The following LYL1 variants were observed in gnomAD, a reference collection of about 807,000 sequenced individuals.
LYL1 encodes the protein protein lyl-1.
LYL1 carries 4 observed loss-of-function variants against 11.1 expected under a neutral mutation model. That is an observed-to-expected ratio of 0.36 (90% CI 0.18 to 0.82). The LOEUF is 0.82. Ranked by LOEUF, LYL1 falls within the 40% of genes least tolerant of loss-of-function variation. The pLI, the probability that LYL1 is intolerant of heterozygous loss-of-function variation, is 0.49. For missense variants in LYL1, 356 were observed against 397.6 expected (o/e 0.90, Z 0.89); for synonymous variants, 179 against 174.8 (o/e 1.02, Z -0.19).
Position 13,101,039 on chromosome 19 carries a change from C to T in LYL1, c.133G>A (p.Val45Met), listed in dbSNP as rs1390656517. The T allele has an allele frequency of 2.0e-6, 3 of 1,481,912 alleles. No homozygotes were observed. The highest frequency in any genetic ancestry group is 2.8e-5 in the African/African-American group (2 of 70,912). 91.8% of individuals were successfully genotyped at this position (1,481,912 alleles called of 1,614,324 possible). ...GGCGAGGAGCCTCCTCGGTGGCCCA[C>T]CTCCTCCACCTGCGGGGGCCCAGGC... ...ASPGPPQVEEVGHRGGSSPPR... is the reference protein window; with the variant it reads ...ASPGPPQVEEMGHRGGSSPPR... The change falls in exon 2 of 4, where the codon GTG (valine) becomes ATG (methionine). Residue 45 changes from valine to methionine, a missense_variant. Coordinates refer to ENST00000264824, the MANE Select transcript of LYL1 (RefSeq NM_005583.5). The surrounding 1 kb of genome is among the most constrained non-coding windows in gnomAD (Gnocchi z 5.1).
In LYL1 at chr19:13,100,644, A is replaced by G. The variant is rs758293848; in HGVS notation, c.427+13T>C. ...GGCATACAAACCCACAAGGCACACA[A>G]ACCCACACTCACCCTCAGCCAGGTC... is the stretch of plus-strand genomic sequence containing the variant. On this transcript the variant is annotated intron_variant, in intron 3 of 3. Transcript: ENST00000264824. 2 of 1,613,932 alleles carry G rather than the reference A, an allele frequency of 1.2e-6. No homozygotes were observed. The highest frequency in any genetic ancestry group is 2.2e-5 in the South Asian group (2 of 91,074).
Position 13,099,107 on chromosome 19 carries a change from G to C in LYL1, c.*212C>G, listed in dbSNP as rs2018632181. ...GGGACCGGGCAAGGCCACTTCCAGA[G>C]GGTTGTGGGTGATTTTTTTAAGGGT... On this transcript the variant is annotated 3_prime_UTR_variant, in exon 4 of 4. Transcript: ENST00000264824. This position sits in a 1 kb window ranked among gnomAD's most constrained non-coding sequence, Gnocchi z 5.3. 2.4e-6 allele frequency: 1 copy of C among 411,288 alleles called. No individual in the cohort carries two copies. The highest frequency in any genetic ancestry group is 4.1e-6 in the Non-Finnish European group (1 of 242,392). 25.5% of individuals were successfully genotyped at this position (411,288 alleles called of 1,614,324 possible).
intron 3 of LYL1, 67 bp downstream of exon 3, chr19:13,100,590 C>A (rs778281539): frequency 2.8e-6 from 4 of 1,435,520 alleles, no homozygotes; most frequent in Admixed American, 3.3e-5. Context: ...GACGGCCAGG[C>A]CTTCTGTGCA....
At position 13,101,492 on chromosome 19, in the gene LYL1, T is replaced by G; in HGVS notation, c.-24-297A>C. 1 of 325,266 alleles carries G rather than the reference T, an allele frequency of 3.1e-6. No individual in the cohort carries two copies. Among genetic ancestry groups the G allele is most frequent in the Non-Finnish European group, 5.6e-6 (1 of 178,646 alleles). 20.1% of individuals were successfully genotyped at this position (325,266 alleles called of 1,614,324 possible). A position where few individuals can be genotyped will look rare whatever the true frequency, so the allele number is the denominator to read the frequency against. ...CAGCCTCTGAGCAAATATTCCTTCT[T>G]CCAGAATTCCCTCACCTCTGCAGCC... On this transcript the variant is annotated intron_variant, in intron 1 of 3. Transcript: ENST00000264824. The surrounding 1 kb of genome is among the most constrained non-coding windows in gnomAD (Gnocchi z 5.1).
Position 13,101,050 on chromosome 19 carries a change from T to C in LYL1, c.122A>G (p.Gln41Arg). Residue 41 changes from glutamine to arginine, a missense_variant, in exon 2 of 4, where the codon CAG becomes CGG. Gln to Arg is a conservative substitution (Grantham distance 43). Coordinates refer to ENST00000264824, the MANE Select transcript of LYL1 (RefSeq NM_005583.5). The surrounding 1 kb of genome is among the most constrained non-coding windows in gnomAD (Gnocchi z 5.1). ...PPKPASPGPPQVEEVGHRGGS... is the reference protein window; with the variant it reads ...PPKPASPGPPRVEEVGHRGGS... ...TCCTCGGTGGCCCACCTCCTCCACC[T>C]GCGGGGGCCCAGGCGAGGCAGGCTT... is the stretch of plus-strand genomic sequence containing the variant. 1 of 1,483,846 alleles carries C rather than the reference T, an allele frequency of 6.7e-7. No individual in the cohort carries two copies. The highest frequency in any genetic ancestry group is 8.9e-7 in the Non-Finnish European group (1 of 1,118,338). The allele number at this position is 1,483,846 out of a possible 1,614,324, so 91.9% of individuals were successfully genotyped here.
rs1469346959 is a variant in LYL1 at position 13,100,693 on chromosome 19, G to C, written c.391C>G (p.Arg131Gly). Residue 131 changes from arginine (R) to glycine (G), a missense_variant, in exon 3 of 4, where the codon CGG (arginine) becomes GGG (glycine). Coordinates refer to ENST00000264824, the MANE Select transcript of LYL1 (RefSeq NM_005583.5). ...FSIFPSSRLKRRPSHCELDLA... is the reference protein window; with the variant it reads ...FSIFPSSRLKGRPSHCELDLA... The stretch of plus-strand genomic sequence containing the variant: ...TCCAGCTCACAGTGGCTTGGTCTCC[G>C]CTTCAACCGGCTGCTAGGGAAGATG... 2 of 1,614,088 alleles carry C rather than the reference G, an allele frequency of 1.2e-6. No individual in the cohort carries two copies. The highest frequency in any genetic ancestry group is 2.7e-5 in the African/African-American group (2 of 74,942).
Position 13,101,106 on chromosome 19 carries a change from A to G in LYL1, c.66T>C (p.Cys22=), listed in dbSNP as rs762975049. The G allele has an allele frequency of 1.3e-5, 19 of 1,489,992 alleles. No homozygotes were observed. In the Admixed American group the frequency reaches 2.0e-4, roughly 16 times the overall value. The allele number at this position is 1,489,992 out of a possible 1,614,324, so 92.3% of individuals were successfully genotyped here. Residue 22 remains cysteine, a synonymous_variant, in exon 2 of 4, where the codon TGT becomes TGC. Transcript: ENST00000264824. This position sits in a 1 kb window ranked among gnomAD's most constrained non-coding sequence, Gnocchi z 5.1. ...GTGGGGCAGGCGCTGGGCTGGGGGC[A>G]CACACCATCTCTGCCTTCTCAGTCA... ...PTMTEKAEMV[C]APSPAPAPPP... is the part of the protein sequence containing the mutation.
rs750620774 is a variant in LYL1, at chr19:13,099,280, C to T, written c.*39G>A. ...TTTCCTTGACGGCCCTGGGCCGAGT[C>T]CCTGGTGCCCTCCGGCTCAGAGGTG... On this transcript the variant is annotated 3_prime_UTR_variant, in exon 4 of 4. Coordinates refer to ENST00000264824, the MANE Select transcript of LYL1 (RefSeq NM_005583.5). This position sits in a 1 kb window ranked among gnomAD's most constrained non-coding sequence, Gnocchi z 5.3. 2.7e-5 allele frequency: 34 copies of T among 1,245,414 alleles called. No homozygotes were observed. The highest frequency in any genetic ancestry group is 3.4e-5 in the Non-Finnish European group (34 of 993,980). The allele number at this position is 1,245,414 out of a possible 1,614,324, so 77.1% of individuals were successfully genotyped here. A position where few individuals can be genotyped will look rare whatever the true frequency, so the allele number is the denominator to read the frequency against.
At position 13,099,406 on chromosome 19, in the gene LYL1, C is replaced by CGCGGGCTGCGA. The variant is rs1457598958; in HGVS notation, c.745_755dup (p.Pro253ArgfsTer27). 8.0e-7 allele frequency: 1 copy of CGCGGGCTGCGA among 1,242,860 alleles called. No homozygotes were observed. Among genetic ancestry groups the CGCGGGCTGCGA allele is most frequent in the African/African-American group, 1.6e-5 (1 of 64,320 alleles). 77.0% of individuals were successfully genotyped at this position (1,242,860 alleles called of 1,614,324 possible). On this transcript the variant is annotated frameshift_variant, in exon 4 of 4. Coordinates refer to ENST00000264824, the MANE Select transcript of LYL1 (RefSeq NM_005583.5). LOFTEE classifies it low-confidence loss of function (END_TRUNC). This position sits in a 1 kb window ranked among gnomAD's most constrained non-coding sequence, Gnocchi z 5.3. ...GGCTGCCGTCGGGGTCGGCCGGGGG[C>CGCGGGCTGCGA]GCGGGCTGCGAGCGCGCTGCCGCCT...
chr19:13,102,416 G>T lies in LYL1; in HGVS notation c.-25+115C>A. On this transcript the variant is annotated intron_variant, in intron 1 of 3. Coordinates refer to ENST00000264824, the MANE Select transcript of LYL1 (RefSeq NM_005583.5). The surrounding 1 kb of genome is among the most constrained non-coding windows in gnomAD (Gnocchi z 4.9). ...AGCTAGGCCCTGGGGAAGCAGGCCT[G>T]GCCCCTCACTAGTGGGTCCCTGCTG... 1 of 193,406 alleles carries T rather than the reference G, an allele frequency of 5.2e-6. No individual in the cohort carries two copies. The highest frequency in any genetic ancestry group is 1.1e-5 in the Non-Finnish European group (1 of 92,570). The allele number at this position is 193,406 out of a possible 1,614,324, so 12.0% of individuals were successfully genotyped here.
rs1411772963 is a variant in LYL1 at position 13,101,756 on chromosome 19, T to C, written c.-24-561A>G. On this transcript the variant is annotated intron_variant, in intron 1 of 3. Coordinates refer to ENST00000264824, the MANE Select transcript of LYL1 (RefSeq NM_005583.5). This position sits in a 1 kb window ranked among gnomAD's most constrained non-coding sequence, Gnocchi z 5.1. The stretch of plus-strand genomic sequence containing the variant: ...ATGACCCTGCGGTTCTTCCCATTGC[T>C]GTCCCTGAAAGTGCTCCATAATTGC... 6 of 228,832 alleles carry C rather than the reference T, an allele frequency of 2.6e-5. No individual in the cohort carries two copies. Among genetic ancestry groups the C allele is most frequent in the Non-Finnish European group, 5.2e-5 (6 of 115,306 alleles). The allele number at this position is 228,832 out of a possible 1,614,324, so 14.2% of individuals were successfully genotyped here.
In LYL1 at chr19:13,099,390, C is replaced by A. The variant is rs773488111; in HGVS notation, c.772G>T (p.Asp258Tyr). 4.8e-6 allele frequency: 6 copies of A among 1,248,316 alleles called. No individual in the cohort carries two copies. Among genetic ancestry groups the A allele is most frequent in the Non-Finnish European group, 5.0e-6 (5 of 993,032 alleles). The allele number at this position is 1,248,316 out of a possible 1,614,324, so 77.3% of individuals were successfully genotyped here. A position where few individuals can be genotyped will look rare whatever the true frequency, so the allele number is the denominator to read the frequency against. ...RSQPAPPADP[D>Y]GSPGGAARPI... ...CGGGCCGCTCCACCGGGGCTGCCGTCGGGGTCGGCCGGGGGCGCGGGCTGC... is the reference window on the plus strand; with the variant it reads ...CGGGCCGCTCCACCGGGGCTGCCGTAGGGGTCGGCCGGGGGCGCGGGCTGC... Residue 258 changes from aspartate to tyrosine, a missense_variant, in exon 4 of 4, where the codon GAC becomes TAC. Physicochemically the swap from Asp to Tyr is radical, Grantham distance 160 (BLOSUM62 -3). Transcript: ENST00000264824. The surrounding 1 kb of genome is among the most constrained non-coding windows in gnomAD (Gnocchi z 5.3).
Position 13,101,004 on chromosome 19 carries a change from C to T in LYL1, c.168G>A (p.Leu56=). The T allele has an allele frequency of 6.8e-7, 1 of 1,475,656 alleles. No individual in the cohort carries two copies. Among genetic ancestry groups the T allele is most frequent in the Middle Eastern group, 2.2e-4 (1 of 4,620 alleles). The allele number at this position is 1,475,656 out of a possible 1,614,324, so 91.4% of individuals were successfully genotyped here. A position where few individuals can be genotyped will look rare whatever the true frequency, so the allele number is the denominator to read the frequency against. ...GHRGGSSPPR[L]PPGVPVISLG... is the part of the protein sequence containing the mutation. ...GGCTGATCACTGGTACACCAGGTGG[C>T]AGCCTGGGGGGCGAGGAGCCTCCTC... The change falls in exon 2 of 4, where the codon CTG becomes CTA. Residue 56 remains leucine (L), a synonymous_variant. Coordinates refer to ENST00000264824, the MANE Select transcript of LYL1 (RefSeq NM_005583.5). This position sits in a 1 kb window ranked among gnomAD's most constrained non-coding sequence, Gnocchi z 5.1.
chr19:13,100,600 A>C lies in LYL1; in HGVS notation c.427+57T>G, dbSNP rs2018672177. The C allele has an allele frequency of 2.0e-6, 3 of 1,511,816 alleles. No individual in the cohort carries two copies. In the African/African-American group the frequency reaches 4.1e-5, roughly 21 times the overall value. The allele number at this position is 1,511,816 out of a possible 1,614,324, so 93.7% of individuals were successfully genotyped here. On this transcript the variant is annotated intron_variant, in intron 3 of 3. Transcript: ENST00000264824. Reference sequence around the variant, plus strand: ...ACAGAGACGGCCAGGCCTTCTGTGCACCCACAAGTGCACATACAGGCATAC... The same window carrying C: ...ACAGAGACGGCCAGGCCTTCTGTGCCCCCACAAGTGCACATACAGGCATAC...
In LYL1 at chr19:13,101,429, C is replaced by T. The variant is rs765485449; in HGVS notation, c.-24-234G>A. 17 of 397,468 alleles carry T rather than the reference C, an allele frequency of 4.3e-5. No individual in the cohort carries two copies. The highest frequency in any genetic ancestry group is 1.8e-4 in the Admixed American group (4 of 22,676). The allele number at this position is 397,468 out of a possible 1,614,324, so 24.6% of individuals were successfully genotyped here. A position where few individuals can be genotyped will look rare whatever the true frequency, so the allele number is the denominator to read the frequency against. ...CCCCAGGTGCTAGGCAGCGCACTGTCCCTGAGCTCTTTGTGACCCAGGAGG... is the reference window on the plus strand; with the variant it reads ...CCCCAGGTGCTAGGCAGCGCACTGTTCCTGAGCTCTTTGTGACCCAGGAGG... On this transcript the variant is annotated intron_variant, in intron 1 of 3. Transcript: ENST00000264824. The surrounding 1 kb of genome is among the most constrained non-coding windows in gnomAD (Gnocchi z 5.1).
rs911333508 is a variant in LYL1, at chr19:13,099,660, C to A, written c.502G>T (p.Gly168Cys). The A allele has an allele frequency of 5.2e-6, 8 of 1,551,410 alleles. No homozygotes were observed. The highest frequency in any genetic ancestry group is 7.0e-6 in the Non-Finnish European group (8 of 1,148,290). ...RERWRQQNVN[G>C]AFAELRKLLP... Reference sequence around the variant, plus strand: ...AGCTTCCTCAGCTCGGCGAAGGCGCCGTTAACGTTCTGCTGCCGCCAGCGC... The same window carrying A: ...AGCTTCCTCAGCTCGGCGAAGGCGCAGTTAACGTTCTGCTGCCGCCAGCGC... The change falls in exon 4 of 4, where the codon GGC becomes TGC. Residue 168 changes from glycine (G) to cysteine (C), a missense_variant. By Grantham distance (159) the Gly-to-Cys change is radical. Coordinates refer to ENST00000264824, the MANE Select transcript of LYL1 (RefSeq NM_005583.5). The surrounding 1 kb of genome is among the most constrained non-coding windows in gnomAD (Gnocchi z 5.3).
Position 13,100,847 on chromosome 19 carries a change from A to AG in LYL1, c.324dup (p.Phe109LeufsTer14). 6.3e-7 allele frequency: 1 copy of AG among 1,578,614 alleles called. No homozygotes were observed. The highest frequency in any genetic ancestry group is 8.6e-7 in the Non-Finnish European group (1 of 1,162,432). On this transcript the variant is annotated frameshift_variant, in exon 2 of 4. Transcript: ENST00000264824. LOFTEE classifies it high-confidence loss of function. ...CAGATCCCCACTGACCTGTTGAGGA[A>AG]GGGGTGAGGGTGGTAGTGCAGGGCC...
chr19:13,099,845 G>A lies in LYL1; in HGVS notation c.428-111C>T, dbSNP rs1568349180. 1 of 1,011,716 alleles carries A rather than the reference G, an allele frequency of 9.9e-7. No homozygotes were observed. The highest frequency in any genetic ancestry group is 1.4e-6 in the Non-Finnish European group (1 of 740,236). The allele number at this position is 1,011,716 out of a possible 1,614,324, so 62.7% of individuals were successfully genotyped here. A position where few individuals can be genotyped will look rare whatever the true frequency, so the allele number is the denominator to read the frequency against. ...GAACTTAAACCCAGGCCATGGGCTG[G>A]GGCTTTCTCCACCCAAGGGGTCCAC... On this transcript the variant is annotated intron_variant, in intron 3 of 3. Transcript: ENST00000264824. The surrounding 1 kb of genome is among the most constrained non-coding windows in gnomAD (Gnocchi z 5.3).
chr19:13,099,762 C>T lies in LYL1; in HGVS notation c.428-28G>A. ...GTGGACAAGGAGGGCCGGGTTGGTG[C>T]CATGGCCCAAAGGGCGGCCCCTCCT... On this transcript the variant is annotated intron_variant, in intron 3 of 3. Transcript: ENST00000264824. The surrounding 1 kb of genome is among the most constrained non-coding windows in gnomAD (Gnocchi z 5.3). 6 of 1,409,730 alleles carry T rather than the reference C, an allele frequency of 4.3e-6. No individual in the cohort carries two copies. The highest frequency in any genetic ancestry group is 5.6e-6 in the Non-Finnish European group (6 of 1,073,602). The allele number at this position is 1,409,730 out of a possible 1,614,324, so 87.3% of individuals were successfully genotyped here.
Sources: allele counts gnomAD v4.1 joint callset, GRCh38; gene constraint gnomAD v4.1.1; non-coding constraint Gnocchi (gnomAD v3.1); transcripts MANE v1.5; gene names NCBI Gene and HGNC (gene_info 2026-07-23, HGNC 2026-07-21).